KANK1: variants seen among roughly 807,000 people sequenced by gnomAD.
KANK1 encodes KN motif and ankyrin repeat domains 1.
KANK1 carries 109 observed loss-of-function variants against 106.2 expected under a neutral mutation model. The observed-to-expected ratio is 1.03, with a 90% CI of 0.88 to 1.20. KANK1 has a LOEUF of 1.20. Ranked by LOEUF, KANK1 falls within the 50% of genes most tolerant of loss-of-function variation. The pLI is 0.00. For missense variants in KANK1, 2,399 were observed against 1,710.7 expected, an observed-to-expected ratio of 1.40 and a Z score of -7.10; for synonymous variants, 873 against 652.2, an observed-to-expected ratio of 1.34 and a Z score of -5.16.
chr9:639,260 A>G (rs1190422013), intron 1 of KANK1, among the ~76,000 whole-genome samples: 1 of 152,190 alleles, frequency 6.6e-6, no homozygotes, highest in African/African-American at 2.4e-5. Context: ...GGCAGTAATC[A>G]GTGTGGCAAG....
chr9:634,911 C>A (rs1196845589), intron 1 of KANK1, among the ~76,000 whole-genome samples: 2 of 152,236 alleles, frequency 1.3e-5, no homozygotes, highest in Non-Finnish European at 2.9e-5. Context: ...CTGAGACTTG[C>A]TCTGCCTCTT....
intron 2 of KANK1, among the ~76,000 whole-genome samples, chr9:682,812 T>A (rs544379556): frequency 6.6e-6 from 1 of 152,300 alleles, no homozygotes; most frequent in African/African-American, 2.4e-5. Context: ...TCTATGCTGA[T>A]CTTAAATGAG....
rs574958036 is a variant in KANK1 at position 702,916 on chromosome 9, G to A, written c.38-7888G>A. On this transcript the variant is annotated intron_variant, in intron 2 of 11. Coordinates refer to ENST00000382297, the MANE Select transcript of KANK1 (RefSeq NM_015158.5). Reference sequence around the variant, plus strand: ...TCAGAACTCATCTCTCGTTAACTCGGTTCTGTTTTGATCACTAGTTTACAT... The same window carrying A: ...TCAGAACTCATCTCTCGTTAACTCGATTCTGTTTTGATCACTAGTTTACAT... 1.9e-3 allele frequency among the ~76,000 whole-genome samples: 293 copies of A among 152,204 alleles called. 1 individual carries two copies. Among genetic ancestry groups the A allele is most frequent in the Non-Finnish European group, 3.7e-3 (251 of 68,018 alleles).
intron 1 of KANK1, among the ~76,000 whole-genome samples, chr9:635,325 C>T (rs148616270): frequency 6.6e-6 from 1 of 152,304 alleles, no homozygotes; most frequent in African/African-American, 2.4e-5. Context: ...TGCGCACTCC[C>T]TGTTCTACCC....
chr9:504,359 G>A (rs977738459), upstream of KANK1, among the ~76,000 whole-genome samples: 1 of 151,700 alleles, frequency 6.6e-6, no homozygotes, highest in African/African-American at 2.4e-5. Flanking sequence ...CAGGCGCGGC[G>A]ACGAAGGTGC....
intron 2 of KANK1, among the ~76,000 whole-genome samples, chr9:695,217 C>A (rs1162826587): frequency 6.6e-6 from 1 of 152,136 alleles, no homozygotes; most frequent in Non-Finnish European, 1.5e-5. Context: ...GCTTAAAGCA[C>A]CGTCTTTGCA....
intron 1 of KANK1, among the ~76,000 whole-genome samples, chr9:638,076 C>T (rs957792093): frequency 1.3e-5 from 2 of 152,150 alleles, no homozygotes; most frequent in Non-Finnish European, 2.9e-5. Context: ...AATAGCCAAG[C>T]TTATGCAGTA....
chr9:682,297 AGTT>A (rs1189504681), intron 2 of KANK1, among the ~76,000 whole-genome samples: 4 of 152,222 alleles, frequency 2.6e-5, no homozygotes, highest in African/African-American at 9.6e-5. Context: ...AAAAAAGAAA[AGTT>A]ATTTAAATTA....
chr9:684,858 T>G (rs1014708285), intron 2 of KANK1, among the ~76,000 whole-genome samples: 2 of 152,004 alleles, frequency 1.3e-5, no homozygotes, highest in African/African-American at 4.8e-5. Context: ...AATATTATCA[T>G]AATTCTCAAA....
intron 1 of KANK1, among the ~76,000 whole-genome samples, chr9:515,930 A>C (rs906096452): frequency 1.3e-5 from 2 of 151,436 alleles, no homozygotes; most frequent in Non-Finnish European, 2.9e-5. Flanking sequence ...ACATTTTGAG[A>C]TTTCTTCCTT....
intron 1 of KANK1, among the ~76,000 whole-genome samples, chr9:675,631 G>A (rs972278676): frequency 2.0e-5 from 3 of 151,944 alleles, no homozygotes; most frequent in East Asian, 1.9e-4. Context: ...TGTGGACCCC[G>A]GTGTTTCAGA....
chr9:589,424 A>G (rs1252210717), intron 1 of KANK1, among the ~76,000 whole-genome samples: 1 of 152,168 alleles, frequency 6.6e-6, no homozygotes, highest in Non-Finnish European at 1.5e-5. Flanking sequence ...GCTGGAAAAG[A>G]AGGAGCAAAA....
chr9:742,163 C>T (rs368063539), intron 9 of KANK1, 42 bp from the exon 10 acceptor site: 2 of 1,567,566 alleles, frequency 1.3e-6, no homozygotes, highest in Admixed American at 1.7e-5. Flanking sequence ...CCACTGCCAG[C>T]TCAGTACGTA....
chr9:713,347 T>C lies in KANK1; in HGVS notation c.2581T>C (p.Ser861Pro), dbSNP rs781218793. The change falls in exon 3 of 12, where the codon TCC (serine) becomes CCC (proline). Residue 861 changes from serine (S) to proline (P), a missense_variant. Ser to Pro is a moderately conservative substitution (Grantham distance 74). Coordinates refer to ENST00000382297, the MANE Select transcript of KANK1 (RefSeq NM_015158.5). The part of the protein sequence containing the change: ...AFGEPHSQMG[S>P]LNSQLISTLS... ...CGGGGAACCTCACTCACAGATGGGCTCCCTCAACTCTCAGCTCATCAGCAC... is the reference window on the plus strand; with the variant it reads ...CGGGGAACCTCACTCACAGATGGGCCCCCTCAACTCTCAGCTCATCAGCAC... 3 of 1,614,138 alleles carry C rather than the reference T, an allele frequency of 1.9e-6. No homozygotes were observed. The East Asian group carries it at 6.7e-5, about 36-fold the overall frequency.
intron 1 of KANK1, among the ~76,000 whole-genome samples, chr9:575,588 T>G (rs1820336119): frequency 6.6e-6 from 1 of 151,884 alleles, no homozygotes; most frequent in Admixed American, 6.5e-5. Flanking sequence ...GGAGGATTGC[T>G]TGAGCCTGGG....
rs1420783221 is a variant in KANK1 at position 745,220 on chromosome 9, A to C, written c.4044A>C (p.Arg1348=). 6.2e-7 allele frequency: 1 copy of C among 1,614,086 alleles called. No homozygotes were observed. Among genetic ancestry groups the C allele is most frequent in the African/African-American group, 1.3e-5 (1 of 75,026 alleles). Residue 1348 remains arginine (R), a synonymous_variant, in exon 12 of 12, where the codon CGA becomes CGC. Transcript: ENST00000382297. ...AGACGTCTCCTGGCCCCACCCACCG[A>C]GGTTCATTTGATTGATTGTATGCAA... The part of the protein sequence containing the change: ...GRKTSPGPTH[R]GSFD
chr9:540,740 C>T (rs549847526), intron 1 of KANK1: 1 of 152,210 alleles, frequency 6.6e-6, no homozygotes, highest in East Asian at 1.9e-4. Context: ...TATTATTCAG[C>T]CTTGGTGTAA....
intron 1 of KANK1, among the ~76,000 whole-genome samples, chr9:538,563 A>C (rs9408618): frequency 0.06 from 9,164 of 152,312 alleles, 312 homozygotes; most frequent in South Asian, 0.085. Context: ...GAACAGTCCT[A>C]ACTTAATTAT....
chr9:611,739 G>A (rs966034889), intron 1 of KANK1, among the ~76,000 whole-genome samples: 3 of 151,704 alleles, frequency 2.0e-5, no homozygotes, highest in Admixed American at 6.6e-5. Context: ...TTTTTTTGGA[G>A]ACAAAGTCTT....
Sources: allele counts gnomAD v4.1 joint callset (sites outside exome capture counted in the v4.1 genomes callset), GRCh38; gene constraint gnomAD v4.1.1; transcripts MANE v1.5; gene names NCBI Gene and HGNC (gene_info 2026-07-23, HGNC 2026-07-21).